PLPPR5: variants seen among roughly 807,000 people sequenced by gnomAD.
The protein encoded by PLPPR5 is phospholipid phosphatase-related protein type 5.
A neutral mutation model predicts 33.9 loss-of-function variants in PLPPR5; 16 were observed. The ratio of observed to expected loss-of-function variants is 0.47; its 90% CI spans 0.32 to 0.72. The LOEUF (loss-of-function observed/expected upper bound fraction) is 0.72, where lower values mean the gene tolerates loss of function less well. Ranked by LOEUF, PLPPR5 falls within the 30% of genes least tolerant of loss-of-function variation. PLPPR5 has a pLI of 0.03. For synonymous variants in PLPPR5, 163 were observed against 150.3 expected (o/e 1.08, Z -0.62); for missense variants, 301 against 406.7 (o/e 0.74, Z 2.23).
intron 3 of PLPPR5, among the ~76,000 whole-genome samples, chr1:98,945,694 T>A (rs1012966941): frequency 5.3e-5 from 8 of 152,160 alleles, no homozygotes; most frequent in African/African-American, 1.9e-4. Context: ...TATAAAGAGG[T>A]AAGGTAAAGT....
rs368162905 is a variant in PLPPR5, at chr1:98,956,617, C to T, written c.362G>A (p.Arg121Gln). Residue 121 changes from arginine (R) to glutamine (Q), a missense_variant, in exon 2 of 6, where the codon CGA becomes CAA. Physicochemically the swap from Arg to Gln is conservative, Grantham distance 43 (BLOSUM62 1). Transcript: ENST00000263177. ...YINPLVRRTVRFLGIYTFGLF... is the reference protein window; with the variant it reads ...YINPLVRRTVQFLGIYTFGLF... Reference sequence around the variant, plus strand: ...ATTTAATGAACACATACCAAGAAATCGGACAGTTCGGCGCACCAGCGGGTT... The same window carrying T: ...ATTTAATGAACACATACCAAGAAATTGGACAGTTCGGCGCACCAGCGGGTT... 1.1e-5 allele frequency: 18 copies of T among 1,577,924 alleles called. No homozygotes were observed. The highest frequency in any genetic ancestry group is 1.5e-5 in the Non-Finnish European group (18 of 1,167,704).
At chr1:98,978,949 T>C (rs553670035) in intron 1 of PLPPR5, among the ~76,000 whole-genome samples, 1 of 152,140 alleles carries the variant, frequency 6.6e-6, no homozygotes, top group East Asian at 2.0e-4. Context: ...CAGGATGACA[T>C]GAAAACATCC....
chr1:98,899,655 C>CTTTTTTTTTTTTTTTTTTTTTTTTT (rs1214385487), intron 5 of PLPPR5, among the ~76,000 whole-genome samples: 1 of 138,566 alleles, frequency 7.2e-6, no homozygotes, highest in African/African-American at 2.7e-5. Flanking sequence ...GTTTATTTCA[C>CTTTTTTTTTTTTTTTTTTTTTTTTT]TTGTTTTTTT....
At chr1:98,934,703 G>A (rs144636500) in intron 3 of PLPPR5, among the ~76,000 whole-genome samples, 158 of 152,204 alleles carry the variant, frequency 1.0e-3, no homozygotes, top group African/African-American at 3.3e-3. Context: ...TAGAAGTCAC[G>A]TTGATCAACA....
intron 3 of PLPPR5, 77 bp downstream of exon 3, chr1:98,952,993 C>T: frequency 6.5e-7 from 1 of 1,535,940 alleles, no homozygotes; most frequent in Non-Finnish European, 8.8e-7. Flanking sequence ...TTCATTATGG[C>T]AGAGAAAAAG....
chr1:98,977,006 G>C (rs746345512), intron 1 of PLPPR5, among the ~76,000 whole-genome samples: 1 of 151,988 alleles, frequency 6.6e-6, no homozygotes, highest in Non-Finnish European at 1.5e-5. Context: ...CAGCTGCATA[G>C]GTATCATGGA....
At chr1:98,905,056 C>G (rs560398524) in intron 5 of PLPPR5, among the ~76,000 whole-genome samples, 1 of 152,156 alleles carries the variant, frequency 6.6e-6, no homozygotes, top group Admixed American at 6.6e-5. Flanking sequence ...TGGATTCTTA[C>G]GATAGCCTTT....
intron 1 of PLPPR5, among the ~76,000 whole-genome samples, chr1:98,988,877 A>G (rs1028416793): frequency 6.6e-6 from 1 of 152,102 alleles, no homozygotes; most frequent in East Asian, 1.9e-4. Flanking sequence ...ATTGGATTTG[A>G]CATGCCAAAC....
intron 1 of PLPPR5, among the ~76,000 whole-genome samples, chr1:98,987,431 AT>A (rs1489881089): frequency 1.3e-5 from 2 of 151,810 alleles, no homozygotes; most frequent in African/African-American, 4.8e-5. Context: ...TTTGGTTTTT[AT>A]TTTAAAACAT....
At chr1:98,894,876 G>A (rs2101129605) in intron 5 of PLPPR5, among the ~76,000 whole-genome samples, 1 of 152,156 alleles carries the variant, frequency 6.6e-6, no homozygotes, top group East Asian at 1.9e-4. Context: ...TCAATGCAGA[G>A]CTTGACAGAA....
chr1:98,983,204 A>G (rs1231404320), intron 1 of PLPPR5, among the ~76,000 whole-genome samples: 3 of 148,876 alleles, frequency 2.0e-5, no homozygotes, highest in Non-Finnish European at 4.5e-5. Flanking sequence ...GTCATCTAGC[A>G]TTAGGTATAT....
At position 98,997,924 on chromosome 1, in the gene PLPPR5, A is replaced by G. The variant is rs181815381; in HGVS notation, c.237+6511T>C. On this transcript the variant is annotated intron_variant, in intron 1 of 5. Coordinates refer to ENST00000263177, the MANE Select transcript of PLPPR5 (RefSeq NM_001037317.2). Reference sequence around the variant, plus strand: ...GGAACTGGCAAGAGAAGCCACATGGATAGTGAGCAATGAAAGACAGAGGGA... The same window carrying G: ...GGAACTGGCAAGAGAAGCCACATGGGTAGTGAGCAATGAAAGACAGAGGGA... Among the ~76,000 whole-genome samples the G allele has an allele frequency of 6.6e-5, 10 of 152,330 alleles. No homozygotes were observed. In the East Asian group the frequency reaches 1.7e-3, roughly 26 times the overall value.
At chr1:98,896,881 C>T (rs1177009782) in intron 5 of PLPPR5, among the ~76,000 whole-genome samples, 5 of 152,178 alleles carry the variant, frequency 3.3e-5, no homozygotes, top group East Asian at 3.9e-4. Context: ...TGTCACGATT[C>T]GTGGCACGAA....
intron 3 of PLPPR5, among the ~76,000 whole-genome samples, chr1:98,926,447 AGTGTGTGTGTGTGTGT>A (rs60874366): frequency 6.9e-4 from 92 of 132,714 alleles, no homozygotes; most frequent in Middle Eastern, 3.7e-3. Context: ...AGGTTTGATT[AGTGTGTGTGTGTGTGT>A]GTGTGTGTGT....
chr1:98,942,359 T>G (rs567395677), intron 3 of PLPPR5, among the ~76,000 whole-genome samples: 1 of 152,288 alleles, frequency 6.6e-6, no homozygotes, highest in African/African-American at 2.4e-5. Context: ...GCTATATATT[T>G]TTTCCTATAT....
rs763477562 is a variant in PLPPR5 at position 98,920,593 on chromosome 1, C to CAAAAAAAAAAAAAAAAAAAAAAAAAAAA, written c.798+1288_798+1289insTTTTTTTTTTTTTTTTTTTTTTTTTTTT. On this transcript the variant is annotated intron_variant, in intron 4 of 5. Coordinates refer to ENST00000263177, the MANE Select transcript of PLPPR5 (RefSeq NM_001037317.2). ...TGGGAATCACAGAGAGTGGTATCAC[C>CAAAAAAAAAAAAAAAAAAAAAAAAAAAA]AAAAAAAAAAAAAAAAGCAGCACAG... Among the ~76,000 whole-genome samples, 94 of 69,020 alleles carry CAAAAAAAAAAAAAAAAAAAAAAAAAAAA rather than the reference C, an allele frequency of 1.4e-3. 17 individuals are homozygous for CAAAAAAAAAAAAAAAAAAAAAAAAAAAA. Among genetic ancestry groups the CAAAAAAAAAAAAAAAAAAAAAAAAAAAA allele is most frequent in the African/African-American group, 2.0e-3 (42 of 21,122 alleles). 45.3% of individuals were successfully genotyped at this position (69,020 alleles called of 152,430 possible).
intron 1 of PLPPR5, 94 bp downstream of exon 1, chr1:99,004,341 C>T (rs1652982706): frequency 7.2e-6 from 8 of 1,108,164 alleles, no homozygotes; most frequent in Non-Finnish European, 1.0e-5. Context: ...GAAGGCAAAA[C>T]CTACTGCGCC....
Position 98,965,133 on chromosome 1 carries a change from T to A in PLPPR5, c.238-8392A>T, listed in dbSNP as rs1651390055. Among the ~76,000 whole-genome samples the A allele has an allele frequency of 2.0e-5, 3 of 152,130 alleles. No homozygotes were observed. In the East Asian group the frequency reaches 5.8e-4, roughly 29 times the overall value. ...TGGCCTCACTACTTTATCTATGCAC[T>A]CAGAGCTGGGTCTGAGCAATTGTGG... On this transcript the variant is annotated intron_variant, in intron 1 of 5. Transcript: ENST00000263177.
intron 3 of PLPPR5, among the ~76,000 whole-genome samples, chr1:98,937,778 T>A (rs749266467): frequency 6.6e-6 from 1 of 152,232 alleles, no homozygotes; most frequent in Non-Finnish European, 1.5e-5. Context: ...CTACAGAGTC[T>A]GTGAGCATAG....
Sources: gnomAD v4.1 joint callset for allele counts (sites outside exome capture counted in the v4.1 genomes callset) on GRCh38, gnomAD v4.1.1 for gene constraint, MANE v1.5 for transcripts, NCBI Gene and HGNC (gene_info 2026-07-23, HGNC 2026-07-21) for gene names.